NCKAP5: variants seen among roughly 807,000 people sequenced by gnomAD.
NCKAP5 encodes the protein NCK associated protein 5.
In NCKAP5, 92 loss-of-function variants were observed where a neutral mutation model predicts 167.0. That is an observed-to-expected ratio of 0.55 (90% CI 0.47 to 0.66). The LOEUF (loss-of-function observed/expected upper bound fraction) is 0.66, where lower values mean the gene tolerates loss of function less well. NCKAP5 is among the 30% of genes least tolerant of loss of function. The probability of loss-of-function intolerance (pLI) is 0.00; values close to 1 mark genes in which losing one functional copy is unlikely to be tolerated. For synonymous variants in NCKAP5, 891 were observed against 877.4 expected (o/e 1.02, Z -0.27); for missense variants, 2,378 against 2,315.0 (o/e 1.03, Z -0.56).
At chr2:133,068,158 T>A (rs1435120626) in intron 6 of NCKAP5, among the ~76,000 whole-genome samples, 1 of 152,084 alleles carries the variant, frequency 6.6e-6, no homozygotes, top group East Asian at 1.9e-4. Context: ...CAGATGCTCA[T>A]AAAATAACTT....
At chr2:133,122,637 G>T (rs1465496540) in intron 6 of NCKAP5, 1 of 152,144 alleles carries the variant, frequency 6.6e-6, no homozygotes, top group East Asian at 1.9e-4. Flanking sequence ...GTTCCCAACA[G>T]AAATTTTTCA....
At chr2:133,065,668 G>T (rs1229466522) in intron 6 of NCKAP5, among the ~76,000 whole-genome samples, 1 of 152,032 alleles carries the variant, frequency 6.6e-6, no homozygotes, top group Non-Finnish European at 1.5e-5. Context: ...CACCCTCAGG[G>T]ATAAAGAAGT....
chr2:132,987,071 A>G (rs191330014), intron 7 of NCKAP5, among the ~76,000 whole-genome samples: 8 of 152,260 alleles, frequency 5.3e-5, no homozygotes, highest in African/African-American at 1.7e-4. Flanking sequence ...AAAATGCTAT[A>G]TAAACTGCAT....
chr2:133,048,827 A>G (rs543976358), intron 6 of NCKAP5, among the ~76,000 whole-genome samples: 7 of 152,326 alleles, frequency 4.6e-5, no homozygotes, highest in South Asian at 2.1e-4. Context: ...GCTTGTCCCT[A>G]TAGCTTGCAG....
At position 133,504,113 on chromosome 2, in the gene NCKAP5, A is replaced by G. The variant is rs986836636; in HGVS notation, c.69+13345T>C. Among the ~76,000 whole-genome samples the G allele has an allele frequency of 3.3e-5, 5 of 152,162 alleles. No individual in the cohort carries two copies. In the East Asian group the frequency reaches 5.8e-4, roughly 18 times the overall value. On this transcript the variant is annotated intron_variant, in intron 3 of 19. Coordinates refer to ENST00000409261, the MANE Select transcript of NCKAP5 (RefSeq NM_207363.3). ...TGGAGGTTTAGCTCCATGGGAAACT[A>G]CAACTGCAAATTGAATTTTTGAAAA... is the stretch of plus-strand genomic sequence containing the variant.
chr2:133,640,714 C>A, the NCKAP5 span, among the ~76,000 whole-genome samples: 1 of 152,128 alleles, frequency 6.6e-6, no homozygotes, highest in Non-Finnish European at 1.5e-5. Flanking sequence ...TTCATCAGAT[C>A]TTTTGATAAA....
In NCKAP5 at chr2:133,416,777, C is replaced by T. The variant is rs573511583; in HGVS notation, c.69+100681G>A. Among the ~76,000 whole-genome samples the T allele has an allele frequency of 3.9e-5, 6 of 152,278 alleles. No homozygotes were observed. The South Asian group carries it at 8.3e-4, about 21-fold the overall frequency. ...TCTACTCAGCTCAGACTCACCATTC[C>T]GAGCTTAGGATGAGAGGCAGCTCAT... On this transcript the variant is annotated intron_variant, in intron 3 of 19. Coordinates refer to ENST00000409261, the MANE Select transcript of NCKAP5 (RefSeq NM_207363.3).
intron 3 of NCKAP5, among the ~76,000 whole-genome samples, chr2:133,325,377 C>T (rs1682363452): frequency 6.6e-6 from 1 of 152,190 alleles, no homozygotes; most frequent in Admixed American, 6.5e-5. Context: ...TAAGTGCCTA[C>T]ATAAACCTGA....
At chr2:133,540,562 GAGTAGAATAT>G (rs1199899245) in intron 2 of NCKAP5, among the ~76,000 whole-genome samples, 1 of 152,138 alleles carries the variant, frequency 6.6e-6, no homozygotes, top group Admixed American at 6.6e-5. Flanking sequence ...GAGAGAGAAG[GAGTAGAATAT>G]AGGAGATTGC....
At chr2:133,114,930 T>C (rs977953688) in intron 6 of NCKAP5, among the ~76,000 whole-genome samples, 3 of 152,202 alleles carry the variant, frequency 2.0e-5, no homozygotes, top group African/African-American at 7.2e-5. Flanking sequence ...CTATTTCTGA[T>C]GCACTATTTC....
At chr2:133,163,486 A>T (rs2083881298) in intron 5 of NCKAP5, among the ~76,000 whole-genome samples, 1 of 152,222 alleles carries the variant, frequency 6.6e-6, no homozygotes, top group Non-Finnish European at 1.5e-5. Flanking sequence ...AAATATTATT[A>T]CATCTACTTA....
In NCKAP5 at chr2:132,818,019, C is replaced by T. The variant is rs568036803; in HGVS notation, c.808-21290G>A. Among the ~76,000 whole-genome samples, 215 of 152,346 alleles carry T rather than the reference C, an allele frequency of 1.4e-3. 1 individual carries two copies. The highest frequency in any genetic ancestry group is 4.9e-3 in the African/African-American group (204 of 41,584). ...CTGCAGTGCCGCGGCATGATCATGG[C>T]TCACTGCGGCCTCCACCTCTCGAGC... is the stretch of plus-strand genomic sequence containing the variant. On this transcript the variant is annotated intron_variant, in intron 11 of 19. Transcript: ENST00000409261.
At chr2:133,245,445 G>A (rs1222773112) in intron 4 of NCKAP5, among the ~76,000 whole-genome samples, 1 of 152,108 alleles carries the variant, frequency 6.6e-6, no homozygotes, top group African/African-American at 2.4e-5. Flanking sequence ...CTAATATGGG[G>A]AAAAACCAAT....
chr2:133,664,531 C>T, the NCKAP5 span, among the ~76,000 whole-genome samples: 2 of 152,150 alleles, frequency 1.3e-5, no homozygotes, highest in South Asian at 4.1e-4. Context: ...GACAGAGTCT[C>T]GCTCTGTTGC....
intron 11 of NCKAP5, among the ~76,000 whole-genome samples, chr2:132,843,353 C>T (rs1688431300): frequency 6.6e-6 from 1 of 151,848 alleles, no homozygotes; most frequent in South Asian, 2.1e-4. Flanking sequence ...TAAGTTTTTG[C>T]TTTGTATGTT....
intron 3 of NCKAP5, among the ~76,000 whole-genome samples, chr2:133,348,312 T>C (rs1345824155): frequency 6.6e-6 from 1 of 152,240 alleles, no homozygotes. Context: ...CTTCAGAATA[T>C]AACCACTTAA....
chr2:133,617,508 AACAG>A, the NCKAP5 span, among the ~76,000 whole-genome samples: 1 of 141,326 alleles, frequency 7.1e-6, no homozygotes, highest in East Asian at 2.0e-4. Flanking sequence ...ATACACCAAC[AACAG>A]ACAAACAGAG....
intron 3 of NCKAP5, among the ~76,000 whole-genome samples, chr2:133,343,424 A>G (rs1431188692): frequency 6.6e-6 from 1 of 152,124 alleles, no homozygotes; most frequent in Non-Finnish European, 1.5e-5. Context: ...ACATGTTTAA[A>G]AAAAAAAAGA....
chr2:132,852,597 A>C (rs1417173007), intron 11 of NCKAP5, among the ~76,000 whole-genome samples: 1 of 152,228 alleles, frequency 6.6e-6, no homozygotes, highest in Non-Finnish European at 1.5e-5. Flanking sequence ...GAGGTTGGGA[A>C]GGCCAAACAA....
Sources: allele counts gnomAD v4.1 joint callset (sites outside exome capture counted in the v4.1 genomes callset), GRCh38; gene constraint gnomAD v4.1.1; transcripts MANE v1.5; gene names NCBI Gene and HGNC (gene_info 2026-07-23, HGNC 2026-07-21).